Variants in MPDZ observed in about 807,000 individuals in gnomAD.
The protein encoded by MPDZ is multiple PDZ domain protein.
A neutral mutation model predicts 239.1 loss-of-function variants in MPDZ; 234 were observed. The ratio of observed to expected loss-of-function variants is 0.98; its 90% CI spans 0.88 to 1.09. MPDZ has a LOEUF of 1.09. Ranked by LOEUF, MPDZ falls within the 50% of genes least tolerant of loss-of-function variation. The probability of loss-of-function intolerance (pLI) is 0.00; values close to 1 mark genes in which losing one functional copy is unlikely to be tolerated. For missense variants in MPDZ, 3,175 were observed against 2,510.0 expected (o/e 1.26, Z -5.66); for synonymous variants, 1,048 against 881.3 (o/e 1.19, Z -3.35).
At chr9:13,240,214 A>G (rs1965056135) in intron 3 of MPDZ, among the ~76,000 whole-genome samples, 1 of 152,052 alleles carries the variant, frequency 6.6e-6, no homozygotes, top group Non-Finnish European at 1.5e-5. Flanking sequence ...AAATAAAAAT[A>G]AAATAAAGCC....
intron 6 of MPDZ, among the ~76,000 whole-genome samples, chr9:13,221,911 C>T (rs771859478): frequency 1.3e-5 from 2 of 151,988 alleles, no homozygotes; most frequent in Admixed American, 6.6e-5. Context: ...CTAACTCTAA[C>T]AATATAATTG....
At chr9:13,115,447 G>T in intron 39 of MPDZ, 113 bp from the exon 40 acceptor site, 1 of 839,872 alleles carries the variant, frequency 1.2e-6, no homozygotes, top group Non-Finnish European at 1.9e-6. Flanking sequence ...CTTCCTTTTG[G>T]AATTTCTATA....
chr9:13,238,471 C>G (rs1324597427), intron 3 of MPDZ, among the ~76,000 whole-genome samples: 1 of 152,156 alleles, frequency 6.6e-6, no homozygotes, highest in African/African-American at 2.4e-5. Context: ...GCTGCCTTGC[C>G]CCTTCTTTCG....
chr9:13,206,636 C>G (rs1957032538), intron 10 of MPDZ, among the ~76,000 whole-genome samples: 1 of 151,806 alleles, frequency 6.6e-6, no homozygotes, highest in African/African-American at 2.4e-5. Flanking sequence ...CTCCACCTCC[C>G]AGGTGCAAGT....
intron 19 of MPDZ, among the ~76,000 whole-genome samples, chr9:13,179,104 C>G (rs1471284067): frequency 6.6e-6 from 1 of 151,988 alleles, no homozygotes; most frequent in Non-Finnish European, 1.5e-5. Context: ...TCAGATATTC[C>G]TAGTACAAAG....
At chr9:13,189,110 A>G in intron 16 of MPDZ, 117 bp from the exon 17 acceptor site, 4 of 824,270 alleles carry the variant, frequency 4.9e-6, no homozygotes, top group Non-Finnish European at 5.5e-6. Context: ...AAAAATTTTC[A>G]TGCCAAAAAA....
At chr9:13,200,667 C>T (rs1453476230) in intron 12 of MPDZ, among the ~76,000 whole-genome samples, 1 of 151,924 alleles carries the variant, frequency 6.6e-6, no homozygotes, top group Non-Finnish European at 1.5e-5. Context: ...AATTTATTGA[C>T]TCATTCACTG....
chr9:13,259,493 G>C (rs1736599372), intron 1 of MPDZ, among the ~76,000 whole-genome samples: 1 of 152,090 alleles, frequency 6.6e-6, no homozygotes, highest in Admixed American at 6.6e-5. Flanking sequence ...TACAACCTGG[G>C]AACTCACGTA....
chr9:13,161,619 T>G (rs1023022058), intron 23 of MPDZ, among the ~76,000 whole-genome samples: 2 of 151,374 alleles, frequency 1.3e-5, no homozygotes, highest in Admixed American at 6.6e-5. Context: ...GACCTCAGAG[T>G]GCTTGCAAGG....
chr9:13,263,379 C>A (rs1169278327), intron 1 of MPDZ, among the ~76,000 whole-genome samples: 1 of 145,106 alleles, frequency 6.9e-6, no homozygotes. Context: ...TCAAATCCTC[C>A]TTGTCCTTGT....
chr9:13,183,564 A>G lies in MPDZ; in HGVS notation c.2503T>C (p.Leu835=), dbSNP rs764015232. The G allele has an allele frequency of 2.4e-5, 38 of 1,612,336 alleles. No individual in the cohort carries two copies. The Admixed American group carries it at 6.2e-4, about 26-fold the overall frequency. The part of the protein sequence containing the change: ...LALVGTNDAD[L]VDESTFESPY... ...GACTCAAATGTGGATTCATCTACTA[A>G]GTCAGCATCATTTGTGCCCACCTAG... The change falls in exon 19 of 47, where the codon TTA becomes CTA. Residue 835 remains leucine (L), a synonymous_variant. Transcript: ENST00000319217.
chr9:13,249,001 A>AAAAAAAAAAAAAAAAAAAAAAG, intron 2 of MPDZ, among the ~76,000 whole-genome samples: 1 of 145,716 alleles, frequency 6.9e-6, no homozygotes, highest in Non-Finnish European at 1.5e-5. Context: ...AAAAAAAAAA[A>AAAAAAAAAAAAAAAAAAAAAAG]AAAAAAAATT....
chr9:13,156,022 T>G (rs781778816), intron 24 of MPDZ, among the ~76,000 whole-genome samples: 1 of 152,180 alleles, frequency 6.6e-6, no homozygotes, highest in Non-Finnish European at 1.5e-5. Flanking sequence ...TTCTTTCTCA[T>G]AAGAAAATTT....
chr9:13,259,176 T>G (rs1970096667), intron 1 of MPDZ, among the ~76,000 whole-genome samples: 1 of 152,214 alleles, frequency 6.6e-6, no homozygotes, highest in South Asian at 2.1e-4. Flanking sequence ...TTTAATATAA[T>G]GAGAGAGCTG....
intron 1 of MPDZ, among the ~76,000 whole-genome samples, chr9:13,257,096 G>A (rs1486518443): frequency 2.0e-5 from 3 of 152,274 alleles, no homozygotes; most frequent in East Asian, 3.9e-4. Context: ...TGCTGTTCAT[G>A]TATCCTGCTA....
chr9:13,222,535 T>A, intron 5 of MPDZ, 89 bp from the exon 6 acceptor site: 3 of 1,038,414 alleles, frequency 2.9e-6, no homozygotes, highest in Non-Finnish European at 4.4e-6. Flanking sequence ...AAGTCATTTT[T>A]AATCCTATTT....
At chr9:13,193,997 T>C (rs1269823169) in intron 13 of MPDZ, among the ~76,000 whole-genome samples, 1 of 152,190 alleles carries the variant, frequency 6.6e-6, no homozygotes, top group East Asian at 1.9e-4. Context: ...TCAGAAGCGA[T>C]ATCACCTGAC....
At chr9:13,173,278 CTG>C (rs941667049) in intron 21 of MPDZ, among the ~76,000 whole-genome samples, 17 of 152,114 alleles carry the variant, frequency 1.1e-4, no homozygotes, top group African/African-American at 4.8e-5. Context: ...CAATTTTATG[CTG>C]TGTCTATTTT....
chr9:13,132,777 G>A (rs1034439372), intron 32 of MPDZ, among the ~76,000 whole-genome samples: 13 of 152,128 alleles, frequency 8.5e-5, no homozygotes, highest in Admixed American at 2.6e-4. Flanking sequence ...CTATGTACAC[G>A]TTAAGAAACA....
Sources: allele counts gnomAD v4.1 joint callset (sites outside exome capture counted in the v4.1 genomes callset), GRCh38; gene constraint gnomAD v4.1.1; transcripts MANE v1.5; gene names NCBI Gene and HGNC (gene_info 2026-07-23, HGNC 2026-07-21).